Variants in MKLN1 observed in about 807,000 individuals in gnomAD.
The protein encoded by MKLN1 is muskelin.
In MKLN1, 18 loss-of-function variants were observed where a neutral mutation model predicts 99.0. The observed-to-expected ratio is 0.18, with a 90% confidence interval of 0.13 to 0.27. The LOEUF (loss-of-function observed/expected upper bound fraction) is 0.27, where lower values mean the gene tolerates loss of function less well. Among genes scored for constraint, MKLN1 ranks in the 10% least tolerant of loss-of-function variants. MKLN1 has a pLI of 1.00. For missense variants in MKLN1, 621 were observed against 875.9 expected, an observed-to-expected ratio of 0.71 and a Z score of 3.67; for synonymous variants, 288 against 293.2, an observed-to-expected ratio of 0.98 and a Z score of 0.18.
intron 3 of MKLN1, among the ~76,000 whole-genome samples, chr7:131,208,298 A>G (rs1369876928): frequency 6.6e-6 from 1 of 152,226 alleles, no homozygotes; most frequent in Non-Finnish European, 1.5e-5. Context: ...ATTTTGCTCT[A>G]TAAAGAATAA....
chr7:131,253,293 G>A (rs765160984), intron 3 of MKLN1, among the ~76,000 whole-genome samples: 1 of 152,044 alleles, frequency 6.6e-6, no homozygotes, highest in African/African-American at 2.4e-5. Context: ...GAAAAACAGA[G>A]CTCCCTCTCC....
chr7:131,161,319 G>C (rs1239753682), intron 2 of MKLN1, among the ~76,000 whole-genome samples: 4 of 152,168 alleles, frequency 2.6e-5, no homozygotes, highest in Non-Finnish European at 5.9e-5. Flanking sequence ...GCACTCTCCG[G>C]TATGGTAGCC....
chr7:131,161,723 T>A (rs1280190728), intron 2 of MKLN1, among the ~76,000 whole-genome samples: 1 of 151,716 alleles, frequency 6.6e-6, no homozygotes, highest in East Asian at 1.9e-4. Flanking sequence ...AGCTAATTTT[T>A]TGTATTTTTA....
intron 3 of MKLN1, among the ~76,000 whole-genome samples, chr7:131,271,446 G>A (rs762378652): frequency 9.9e-5 from 15 of 151,254 alleles, no homozygotes; most frequent in Admixed American, 8.6e-4. Flanking sequence ...GTGAAACCGT[G>A]TCTCTACTAA....
At chr7:131,473,995 A>C (rs1796898426) in intron 16 of MKLN1, among the ~76,000 whole-genome samples, 1 of 152,066 alleles carries the variant, frequency 6.6e-6, no homozygotes, top group South Asian at 2.1e-4. Context: ...CTAAAAATAC[A>C]AAAAATTGGC....
intron 1 of MKLN1, among the ~76,000 whole-genome samples, chr7:131,333,797 C>T (rs1324115653): frequency 6.6e-6 from 1 of 152,184 alleles, no homozygotes; most frequent in African/African-American, 2.4e-5. Flanking sequence ...CTCGGCCTTC[C>T]AAAGTGTTGG....
intron 3 of MKLN1, among the ~76,000 whole-genome samples, chr7:131,243,371 G>A (rs940042665): frequency 1.3e-5 from 2 of 152,068 alleles, no homozygotes; most frequent in African/African-American, 2.4e-5. Context: ...TGCTGTTACC[G>A]GCCTTTGTAA....
At chr7:131,152,964 T>C (rs972544085) in intron 2 of MKLN1, among the ~76,000 whole-genome samples, 1 of 151,814 alleles carries the variant, frequency 6.6e-6, no homozygotes, top group African/African-American at 2.4e-5. Context: ...ATGTTTCTGA[T>C]TGCATTCCTA....
intron 3 of MKLN1, among the ~76,000 whole-genome samples, chr7:131,282,358 A>G (rs1323925426): frequency 6.6e-6 from 1 of 151,792 alleles, no homozygotes; most frequent in Non-Finnish European, 1.5e-5. Flanking sequence ...TCAAAAAAAA[A>G]AAAAAAAAAA....
intron 1 of MKLN1, among the ~76,000 whole-genome samples, chr7:131,334,470 G>A (rs530612430): frequency 6.6e-6 from 1 of 152,280 alleles, no homozygotes; most frequent in African/African-American, 2.4e-5. Flanking sequence ...AGTCTACAGA[G>A]CTGATTCCTA....
At chr7:131,414,600 T>A in intron 7 of MKLN1, 45 bp from the exon 8 acceptor site, 1 of 1,324,036 alleles carries the variant, frequency 7.6e-7, no homozygotes, top group South Asian at 1.2e-5. Flanking sequence ...CTGGATATGC[T>A]GTTCTTTGTT....
At chr7:131,200,233 C>G (rs912780199) in intron 2 of MKLN1, among the ~76,000 whole-genome samples, 1 of 152,194 alleles carries the variant, frequency 6.6e-6, no homozygotes, top group Non-Finnish European at 1.5e-5. Flanking sequence ...GATTCCTTCT[C>G]TTACTGAGGT....
chr7:131,360,001 G>A (rs1172800437), intron 1 of MKLN1, among the ~76,000 whole-genome samples: 2 of 151,902 alleles, frequency 1.3e-5, no homozygotes, highest in African/African-American at 2.4e-5. Context: ...CACCCGCCTC[G>A]GCCTCCCAAA....
At chr7:131,370,480 G>A (rs1335993344) in intron 1 of MKLN1, among the ~76,000 whole-genome samples, 1 of 126,008 alleles carries the variant, frequency 7.9e-6, no homozygotes, top group Non-Finnish European at 1.7e-5. Flanking sequence ...TTTTTTTTTA[G>A]TAAGTTTTCT....
chr7:131,432,039 C>T (rs945975862), intron 9 of MKLN1, among the ~76,000 whole-genome samples: 1 of 152,206 alleles, frequency 6.6e-6, no homozygotes, highest in East Asian at 1.9e-4. Context: ...GATGTGCTCA[C>T]TTAACCCCTT....
chr7:131,397,543 A>G (rs903648285), intron 5 of MKLN1, among the ~76,000 whole-genome samples, 167 bp downstream of exon 5: 2 of 152,118 alleles, frequency 1.3e-5, no homozygotes, highest in African/African-American at 4.8e-5. Flanking sequence ...AATCCTGATA[A>G]CTCACTTAGT....
chr7:131,414,164 A>T (rs1362250056), intron 7 of MKLN1, among the ~76,000 whole-genome samples: 1 of 152,226 alleles, frequency 6.6e-6, no homozygotes, highest in Non-Finnish European at 1.5e-5. Context: ...TGTATACATT[A>T]TACAAAATTA....
chr7:131,309,173 G>A (rs1406393728), intron 3 of MKLN1, among the ~76,000 whole-genome samples: 1 of 152,194 alleles, frequency 6.6e-6, no homozygotes, highest in African/African-American at 2.4e-5. Context: ...AGACAAAGGA[G>A]AGTTAAGATG....
chr7:131,401,848 T>C (rs1794554793), intron 6 of MKLN1, among the ~76,000 whole-genome samples: 2 of 152,190 alleles, frequency 1.3e-5, no homozygotes, highest in African/African-American at 4.8e-5. Context: ...ACTTAAAAAA[T>C]GCTTTATTGC....
Sources: gnomAD v4.1 joint callset for allele counts (sites outside exome capture counted in the v4.1 genomes callset) on GRCh38, gnomAD v4.1.1 for gene constraint, MANE v1.5 for transcripts, NCBI Gene and HGNC (gene_info 2026-07-23, HGNC 2026-07-21) for gene names.